Variants in MLIP observed in about 807,000 individuals in gnomAD.
MLIP encodes the protein muscular LMNA-interacting protein.
Under a neutral mutation model 84.8 loss-of-function variants are expected in MLIP, and 79 were observed. The ratio of observed to expected loss-of-function variants is 0.93; its 90% CI spans 0.78 to 1.12. The LOEUF (loss-of-function observed/expected upper bound fraction) is 1.12. MLIP is among the 50% of genes most tolerant of loss of function. MLIP has a pLI of 0.00. For synonymous variants in MLIP, 504 were observed against 463.0 expected (o/e 1.09, Z -1.14); for missense variants, 1,257 against 1,160.6 (o/e 1.08, Z -1.21).
intron 1 of MLIP, among the ~76,000 whole-genome samples, chr6:54,094,082 A>G (rs1274669145): frequency 6.6e-6 from 1 of 152,152 alleles, no homozygotes; most frequent in Admixed American, 6.6e-5. Flanking sequence ...AGAAATAATA[A>G]ATTTTGATGG....
chr6:54,038,558 A>T (rs1764573457), intron 1 of MLIP, among the ~76,000 whole-genome samples: 1 of 151,638 alleles, frequency 6.6e-6, no homozygotes, highest in Non-Finnish European at 1.5e-5. Context: ...TTTTGAGATT[A>T]TATCATTCCT....
chr6:54,216,854 C>T (rs1779887630), intron 11 of MLIP: 2 of 985,210 alleles, frequency 2.0e-6, no homozygotes, highest in Non-Finnish European at 2.4e-6. Flanking sequence ...TCTCTTATTT[C>T]ATAGTAACAT....
At chr6:54,102,127 G>T (rs1768697580) in intron 1 of MLIP, among the ~76,000 whole-genome samples, 1 of 152,156 alleles carries the variant, frequency 6.6e-6, no homozygotes. Context: ...ATGAACCTGG[G>T]TTCTAGCCAG....
intron 1 of MLIP, among the ~76,000 whole-genome samples, chr6:54,050,023 C>A (rs565261650): frequency 7.9e-5 from 12 of 152,094 alleles, no homozygotes; most frequent in African/African-American, 2.6e-4. Context: ...TGATACATTG[C>A]AAAGTGGGTA....
chr6:54,028,893 G>A (rs1165131171), intron 1 of MLIP: 1 of 152,088 alleles, frequency 6.6e-6, no homozygotes, highest in Middle Eastern at 3.2e-3. Context: ...TCTCTTCTTG[G>A]CAGCTCATCT....
At chr6:54,054,132 T>A (rs1582040461) in intron 1 of MLIP, among the ~76,000 whole-genome samples, 1 of 152,298 alleles carries the variant, frequency 6.6e-6, no homozygotes, top group Non-Finnish European at 1.5e-5. Context: ...GTGGTGAAAG[T>A]TCTTAGCAAC....
At chr6:54,187,509 A>G (rs1428491210) in intron 9 of MLIP, among the ~76,000 whole-genome samples, 2 of 152,214 alleles carry the variant, frequency 1.3e-5, no homozygotes, top group African/African-American at 4.8e-5. Flanking sequence ...AAAAGAACCA[A>G]GTAAAACTTC....
chr6:54,057,098 T>C (rs371190893), intron 1 of MLIP, among the ~76,000 whole-genome samples: 1 of 152,198 alleles, frequency 6.6e-6, no homozygotes, highest in South Asian at 2.1e-4. Context: ...GTGACTTTGG[T>C]ATTACTTCTA....
chr6:54,229,504 C>T (rs2150798908), intron 11 of MLIP, among the ~76,000 whole-genome samples: 1 of 152,292 alleles, frequency 6.6e-6, no homozygotes, highest in East Asian at 1.9e-4. Flanking sequence ...GCTATTCTTC[C>T]TGATGCTCTC....
chr6:54,111,684 T>C, intron 1 of MLIP, 109 bp downstream of exon 1: 1 of 1,109,318 alleles, frequency 9.0e-7, no homozygotes. Context: ...TGAAGATAAA[T>C]TTGTATGTAT....
At chr6:54,108,844 G>A (rs76008163), upstream of MLIP, among the ~76,000 whole-genome samples, 327 of 152,150 alleles carry the variant, frequency 2.1e-3, 1 homozygote, top group African/African-American at 7.5e-3. Flanking sequence ...AAAGATCAGA[G>A]AGGAAAGGAC....
chr6:54,161,768 A>G (rs1278834357), intron 8 of MLIP, among the ~76,000 whole-genome samples: 1 of 151,968 alleles, frequency 6.6e-6, no homozygotes, highest in Non-Finnish European at 1.5e-5. Flanking sequence ...TGTCATATTA[A>G]TTATATTTTA....
rs376077576 is a variant in MLIP, at chr6:54,257,302, G to C, written c.2923-6G>C. The C allele has an allele frequency of 1.9e-6, 3 of 1,610,452 alleles. No homozygotes were observed. In the African/African-American group the frequency reaches 4.0e-5, roughly 22 times the overall value. ...TGATCATATCCTGGGCATCTTTTCT[G>C]TGAAGCTGAGTCATCCAATGGTGGC... On this transcript the variant is annotated splice_region_variant and splice_polypyrimidine_tract_variant and intron_variant, in intron 12 of 13. Transcript: ENST00000502396.
At chr6:54,217,982 A>G (rs1162721716) in intron 11 of MLIP, 4 of 985,356 alleles carry the variant, frequency 4.1e-6, no homozygotes, top group South Asian at 4.7e-5. Flanking sequence ...TAGAGATGCC[A>G]TTAGTGTGTT....
Position 54,137,154 on chromosome 6 carries a change from C to T in MLIP, c.1085C>T (p.Ser362Leu). ...GCTTCTCTGAAGTCGAATTCGGCCT[C>T]GTACATACCAGTCCGCATTGTCACG... ...SSASLKSNSA[S>L]YIPVRIVTHS... Residue 362 changes from serine to leucine, a missense_variant, in exon 4 of 14, where the codon TCG becomes TTG. Coordinates refer to ENST00000502396, the MANE Select transcript of MLIP (RefSeq NM_001281747.2). 3 of 1,536,120 alleles carry T rather than the reference C, an allele frequency of 2.0e-6. No homozygotes were observed. The highest frequency in any genetic ancestry group is 2.6e-6 in the Non-Finnish European group (3 of 1,146,896).
At chr6:54,156,764 C>T (rs1774073928) in intron 5 of MLIP, among the ~76,000 whole-genome samples, 1 of 152,168 alleles carries the variant, frequency 6.6e-6, no homozygotes, top group South Asian at 2.1e-4. Flanking sequence ...CTTCACTAAG[C>T]ACCTATCATA....
intron 1 of MLIP, among the ~76,000 whole-genome samples, chr6:54,039,475 A>G (rs1290915613): frequency 1.3e-5 from 2 of 151,968 alleles, no homozygotes; most frequent in East Asian, 1.9e-4. Context: ...CATCTTTGGC[A>G]TAGTGCAAAT....
intron 11 of MLIP, chr6:54,217,099 AG>A: frequency 1.0e-6 from 1 of 985,482 alleles, no homozygotes; most frequent in Non-Finnish European, 1.2e-6. Flanking sequence ...AGAGGTGGGA[AG>A]ATGGAAGACA....
At chr6:54,094,326 G>A (rs371937269) in intron 1 of MLIP, among the ~76,000 whole-genome samples, 67 of 151,994 alleles carry the variant, frequency 4.4e-4, no homozygotes, top group African/African-American at 1.6e-3. Flanking sequence ...TAATTGGCAG[G>A]TATGGAGAAG....
Sources: allele counts gnomAD v4.1 joint callset (sites outside exome capture counted in the v4.1 genomes callset), GRCh38; gene constraint gnomAD v4.1.1; transcripts MANE v1.5; gene names NCBI Gene and HGNC (gene_info 2026-07-23, HGNC 2026-07-21).